SMCHD1: variants seen among roughly 807,000 people sequenced by gnomAD.
The protein encoded by SMCHD1 is structural maintenance of chromosomes flexible hinge domain-containing protein 1.
A neutral mutation model predicts 254.7 loss-of-function variants in SMCHD1; 78 were observed. The ratio of observed to expected loss-of-function variants is 0.31; its 90% CI spans 0.26 to 0.37. The LOEUF is 0.37. SMCHD1 is among the 10% of genes least tolerant of loss of function. SMCHD1 has a pLI of 1.00. For missense variants in SMCHD1, 1,840 were observed against 2,408.1 expected, an observed-to-expected ratio of 0.76 and a Z score of 4.94; for synonymous variants, 766 against 794.9, an observed-to-expected ratio of 0.96 and a Z score of 0.61.
At chr18:2,744,120 A>G (rs2075403825) in intron 29 of SMCHD1, among the ~76,000 whole-genome samples, 192 bp downstream of exon 29, 1 of 152,194 alleles carries the variant, frequency 6.6e-6, no homozygotes, top group Non-Finnish European at 1.5e-5. Flanking sequence ...TTGTGTCCTC[A>G]TTTGTTAAAA....
chr18:2,702,122 T>C (rs2074413618), intron 12 of SMCHD1: 1 of 152,052 alleles, frequency 6.6e-6, no homozygotes, highest in Non-Finnish European at 1.5e-5. Context: ...TTCTATTCCT[T>C]TGTTACACTG....
At chr18:2,675,604 T>C (rs2073729006) in intron 5 of SMCHD1, among the ~76,000 whole-genome samples, 1 of 152,070 alleles carries the variant, frequency 6.6e-6, no homozygotes, top group African/African-American at 2.4e-5. Flanking sequence ...TTTTCATAAA[T>C]ATGTGGCATT....
chr18:2,742,241 G>A (rs1183418873), intron 28 of SMCHD1, among the ~76,000 whole-genome samples: 1 of 152,042 alleles, frequency 6.6e-6, no homozygotes, highest in African/African-American at 2.4e-5. Flanking sequence ...CCAGCCAAGT[G>A]GACTTTTTTT....
intron 25 of SMCHD1, among the ~76,000 whole-genome samples, chr18:2,733,406 G>A (rs2075181167): frequency 6.6e-6 from 1 of 152,296 alleles, no homozygotes; most frequent in Non-Finnish European, 1.5e-5. Flanking sequence ...AATATGGGAG[G>A]TTACCTAGCT....
chr18:2,708,904 ATAT>A (rs1568198925), intron 17 of SMCHD1, among the ~76,000 whole-genome samples: 6,236 of 58,658 alleles, frequency 0.11, 1,241 homozygotes, highest in Non-Finnish European at 0.13. Flanking sequence ...ATATATATAT[ATAT>A]AACATATTAA....
chr18:2,688,259 C>G (rs2074097169), intron 5 of SMCHD1, 135 bp from the exon 6 acceptor site: 1 of 638,040 alleles, frequency 1.6e-6, no homozygotes, highest in Non-Finnish European at 2.8e-6. Context: ...TGTCTTGACA[C>G]TGATTATTTC....
chr18:2,658,399 A>G (rs1187500826), intron 1 of SMCHD1, among the ~76,000 whole-genome samples: 5 of 152,220 alleles, frequency 3.3e-5, no homozygotes, highest in Admixed American at 6.5e-5. Flanking sequence ...ATTCAAACCC[A>G]GAACCTCTGT....
intron 39 of SMCHD1, among the ~76,000 whole-genome samples, chr18:2,770,691 A>T (rs552095632): frequency 6.6e-6 from 1 of 151,876 alleles, no homozygotes; most frequent in East Asian, 1.9e-4. Flanking sequence ...GCACGATCTC[A>T]CTCACTGCAC....
chr18:2,715,320 G>A (rs1030012369), intron 17 of SMCHD1, among the ~76,000 whole-genome samples: 2 of 151,632 alleles, frequency 1.3e-5, no homozygotes, highest in African/African-American at 4.8e-5. Flanking sequence ...TCTTTATTTT[G>A]TCTGATTGAT....
intron 17 of SMCHD1, among the ~76,000 whole-genome samples, chr18:2,713,915 T>C (rs2074737775): frequency 6.6e-6 from 1 of 152,228 alleles, no homozygotes; most frequent in African/African-American, 2.4e-5. Flanking sequence ...TCAAGAATGT[T>C]CCATTTGCTG....
intron 47 of SMCHD1, 164 bp downstream of exon 47, chr18:2,796,685 A>G (rs2076270231): frequency 3.5e-6 from 2 of 564,820 alleles, no homozygotes; most frequent in South Asian, 2.3e-5. Context: ...GGCCCACGGG[A>G]TTCTTGTGCC....
chr18:2,712,579 G>A (rs977646762), intron 17 of SMCHD1, among the ~76,000 whole-genome samples: 2 of 152,202 alleles, frequency 1.3e-5, no homozygotes, highest in African/African-American at 4.8e-5. Context: ...AACCACAGGA[G>A]TTGTATGTGC....
intron 45 of SMCHD1, among the ~76,000 whole-genome samples, chr18:2,790,292 A>C (rs1177247543): frequency 1.3e-5 from 2 of 152,230 alleles, no homozygotes; most frequent in Non-Finnish European, 2.9e-5. Flanking sequence ...AATTACCCGA[A>C]GTCAATGACA....
intron 17 of SMCHD1, among the ~76,000 whole-genome samples, chr18:2,709,200 AT>A (rs2074606623): frequency 7.0e-6 from 1 of 143,854 alleles, no homozygotes; most frequent in Non-Finnish European, 1.5e-5. Context: ...GTTGAATAAT[AT>A]TCCCTTGTGT....
At position 2,803,818 on chromosome 18, in the gene SMCHD1, A is replaced by T. The variant is rs1408583981; in HGVS notation, c.*1266A>T. 6.6e-6 allele frequency: 1 copy of T among 152,210 alleles called. No homozygotes were observed. Among genetic ancestry groups the T allele is most frequent in the African/African-American group, 2.4e-5 (1 of 41,448 alleles). The allele number at this position is 152,210 out of a possible 1,614,324, so 9.4% of individuals were successfully genotyped here. A position where few individuals can be genotyped will look rare whatever the true frequency, so the allele number is the denominator to read the frequency against. Reference sequence around the variant, plus strand: ...ACTACAGGTTGAGTATCCCTTATTCAAAATGGTTGGGACCTGAAGTGTTTT... The same window carrying T: ...ACTACAGGTTGAGTATCCCTTATTCTAAATGGTTGGGACCTGAAGTGTTTT... On this transcript the variant is annotated 3_prime_UTR_variant, in exon 48 of 48. Coordinates refer to ENST00000320876, the MANE Select transcript of SMCHD1 (RefSeq NM_015295.3).
At chr18:2,782,012 G>A (rs768660296) in intron 44 of SMCHD1, among the ~76,000 whole-genome samples, 42 of 152,162 alleles carry the variant, frequency 2.8e-4, no homozygotes, top group Admixed American at 1.2e-3. Flanking sequence ...CAAAAATGTT[G>A]TAGCACATAC....
chr18:2,699,887 G>C (rs2074364485), intron 10 of SMCHD1, among the ~76,000 whole-genome samples: 1 of 152,182 alleles, frequency 6.6e-6, no homozygotes, highest in Admixed American at 6.5e-5. Context: ...GGTAGCTGAG[G>C]TGTTAATATG....
intron 5 of SMCHD1, among the ~76,000 whole-genome samples, chr18:2,685,288 A>G (rs942872394): frequency 2.6e-5 from 4 of 151,522 alleles, no homozygotes; most frequent in African/African-American, 9.7e-5. Context: ...TTTAGTAGAG[A>G]TGGGGTTTCT....
rs2298497 is a variant in SMCHD1 at position 2,795,658 on chromosome 18, C to T, written c.5720-291C>T. On this transcript the variant is annotated intron_variant, in intron 45 of 47. Coordinates refer to ENST00000320876, the MANE Select transcript of SMCHD1 (RefSeq NM_015295.3). ...CTGAATATCAGACAAGATATAAACA[C>T]TGGCTTGAGAGAGTGATCCAATAAA... is the stretch of plus-strand genomic sequence containing the variant. Among the ~76,000 whole-genome samples the T allele has an allele frequency of 0.29, 44,403 of 152,076 alleles. 6,717 individuals carry two copies. Among genetic ancestry groups the T allele is most frequent in the East Asian group, 0.51 (2,614 of 5,162 alleles).
Sources: allele counts gnomAD v4.1 joint callset (sites outside exome capture counted in the v4.1 genomes callset), GRCh38; gene constraint gnomAD v4.1.1; transcripts MANE v1.5; gene names NCBI Gene and HGNC (gene_info 2026-07-23, HGNC 2026-07-21).